Variants in OSBPL2 observed in about 807,000 individuals in gnomAD.
OSBPL2 encodes oxysterol binding protein like 2.
Under a neutral mutation model 58.4 loss-of-function variants are expected in OSBPL2, and 18 were observed. The ratio of observed to expected loss-of-function variants is 0.31; its 90% CI spans 0.21 to 0.46. The LOEUF (loss-of-function observed/expected upper bound fraction) is 0.46. Ranked by LOEUF, OSBPL2 falls within the 20% of genes least tolerant of loss-of-function variation. The pLI is 1.00. For missense variants in OSBPL2, 461 were observed against 616.5 expected (o/e 0.75, Z 2.67); for synonymous variants, 221 against 234.1 (o/e 0.94, Z 0.51).
At chr20:62,280,534 C>G (rs954401413) in intron 7 of OSBPL2, among the ~76,000 whole-genome samples, 4 of 152,254 alleles carry the variant, frequency 2.6e-5, no homozygotes, top group African/African-American at 9.6e-5. Context: ...TGTGGCTCCC[C>G]CACGTAGCAC....
At chr20:62,244,021 G>A (rs923698931) in intron 1 of OSBPL2, among the ~76,000 whole-genome samples, 3 of 151,988 alleles carry the variant, frequency 2.0e-5, no homozygotes, top group Non-Finnish European at 4.4e-5. Flanking sequence ...CCCCATTAGG[G>A]CTGCACAGGA....
At chr20:62,261,345 G>A (rs1183378378) in intron 3 of OSBPL2, among the ~76,000 whole-genome samples, 2 of 148,720 alleles carry the variant, frequency 1.3e-5, no homozygotes, top group Non-Finnish European at 3.0e-5. Context: ...AAGGCACAAA[G>A]GCAGGACAAG....
intron 12 of OSBPL2, among the ~76,000 whole-genome samples, chr20:62,289,883 C>T (rs148126129): frequency 1.2e-3 from 180 of 152,172 alleles, no homozygotes; most frequent in African/African-American, 4.2e-3. Flanking sequence ...CCAGCCAGGG[C>T]GACAGAGTGA....
chr20:62,261,162 A>C (rs1409344327), intron 3 of OSBPL2, among the ~76,000 whole-genome samples: 1 of 151,884 alleles, frequency 6.6e-6, no homozygotes, highest in Non-Finnish European at 1.5e-5. Context: ...CTAAAATACA[A>C]AAAATTAGCT....
intron 6 of OSBPL2, chr20:62,278,935 A>T: frequency 3.9e-6 from 2 of 512,068 alleles, no homozygotes; most frequent in Non-Finnish European, 3.5e-6. Flanking sequence ...TCTGTTGCCA[A>T]CGTTAGGCCA....
chr20:62,272,094 A>T (rs1982100678), intron 4 of OSBPL2, 31 bp from the exon 5 acceptor site: 1 of 1,612,324 alleles, frequency 6.2e-7, no homozygotes, highest in Non-Finnish European at 8.5e-7. Context: ...GGAAGGCAGC[A>T]GTAACCAGCG....
chr20:62,260,714 G>A (rs564661008), intron 3 of OSBPL2, among the ~76,000 whole-genome samples: 3 of 152,250 alleles, frequency 2.0e-5, no homozygotes, highest in South Asian at 2.1e-4. Flanking sequence ...TTGGCTGGTC[G>A]CGGTGGCTCA....
chr20:62,292,881 C>CG (rs1168579025), intron 13 of OSBPL2, among the ~76,000 whole-genome samples: 2 of 128,296 alleles, frequency 1.6e-5, no homozygotes, highest in Admixed American at 1.7e-4. Context: ...AACCTTTCCT[C>CG]ATTTTTTTTT....
intron 12 of OSBPL2, among the ~76,000 whole-genome samples, chr20:62,290,622 A>C (rs1983442161): frequency 6.7e-6 from 1 of 149,240 alleles, no homozygotes; most frequent in South Asian, 2.1e-4. Flanking sequence ...GGGTTTCACC[A>C]TGTTAGCCAG....
chr20:62,276,680 C>T (rs1190148963), intron 6 of OSBPL2, among the ~76,000 whole-genome samples: 2 of 152,152 alleles, frequency 1.3e-5, no homozygotes, highest in Non-Finnish European at 1.5e-5. Context: ...AGGCAACTGT[C>T]GGTCTTGGCA....
chr20:62,254,376 A>T (rs12481249), intron 1 of OSBPL2, among the ~76,000 whole-genome samples: 61,609 of 152,180 alleles, frequency 0.4, 13,438 homozygotes, highest in East Asian at 0.52. Flanking sequence ...TGAAGGGGGA[A>T]GCACATCGCT....
intron 4 of OSBPL2, among the ~76,000 whole-genome samples, chr20:62,264,065 C>A (rs1233242138): frequency 5.1e-4 from 50 of 97,928 alleles, no homozygotes; most frequent in African/African-American, 1.5e-3. Flanking sequence ...GATTCCATCT[C>A]AAAAAAAAAA....
rs1983738289 is a variant in OSBPL2 at position 62,294,567 on chromosome 20, C to T, written c.*680C>T. The T allele has an allele frequency of 1.3e-5, 2 of 152,326 alleles. No individual in the cohort carries two copies. The highest frequency in any genetic ancestry group is 1.3e-4 in the Admixed American group (2 of 15,254). 9.4% of individuals were successfully genotyped at this position (152,326 alleles called of 1,614,324 possible). A position where few individuals can be genotyped will look rare whatever the true frequency, so the allele number is the denominator to read the frequency against. Reference sequence around the variant, plus strand: ...TTTTATACTGTCCAAAATGAAGCATCCCCGTGACAAACCAGAGTGGGCAGA... The same window carrying T: ...TTTTATACTGTCCAAAATGAAGCATTCCCGTGACAAACCAGAGTGGGCAGA... On this transcript the variant is annotated 3_prime_UTR_variant, in exon 14 of 14. Transcript: ENST00000313733.
Position 62,286,592 on chromosome 20 carries a change from T to C in OSBPL2, c.1006T>C (p.Ser336Pro), listed in dbSNP as rs1282196549. The C allele has an allele frequency of 2.5e-6, 4 of 1,613,112 alleles. No individual in the cohort carries two copies. The highest frequency in any genetic ancestry group is 3.4e-6 in the Non-Finnish European group (4 of 1,179,492). The change falls in exon 11 of 14, where the codon TCC (serine) becomes CCC (proline). Residue 336 changes from serine to proline, a missense_variant. This residue lies in a region of OSBPL2 where 319 missense variants were observed against 419.2 expected (regional missense o/e 0.76). Coordinates refer to ENST00000313733, the MANE Select transcript of OSBPL2 (RefSeq NM_144498.4). ...HLRKAKLDEDSGKADSDVADD... is the reference protein window; with the variant it reads ...HLRKAKLDEDPGKADSDVADD... ...GGGTTCTGTGTTTCAGGATGAAGACTCCGGGAAGGCTGACAGCGACGTGGC... is the reference window on the plus strand; with the variant it reads ...GGGTTCTGTGTTTCAGGATGAAGACCCCGGGAAGGCTGACAGCGACGTGGC...
intron 12 of OSBPL2, 45 bp downstream of exon 12, chr20:62,289,375 C>T (rs1267097595): frequency 1.9e-6 from 3 of 1,597,810 alleles, no homozygotes; most frequent in African/African-American, 2.7e-5. Flanking sequence ...CCAAGGACGC[C>T]CTGGCTAGGG....
At chr20:62,247,606 G>A (rs1041578997) in intron 1 of OSBPL2, among the ~76,000 whole-genome samples, 3 of 152,174 alleles carry the variant, frequency 2.0e-5, no homozygotes, top group Non-Finnish European at 4.4e-5. Context: ...GGAGGCAGGA[G>A]GAGGAGCATT....
intron 12 of OSBPL2, among the ~76,000 whole-genome samples, chr20:62,290,070 G>C (rs1292225678): frequency 6.6e-6 from 1 of 152,192 alleles, no homozygotes; most frequent in Non-Finnish European, 1.5e-5. Flanking sequence ...CGTGTGTGGC[G>C]TGTCCTGCAG....
chr20:62,286,609 C>G lies in OSBPL2; in HGVS notation c.1023C>G (p.Ser341Arg). ...KLDEDSGKAD[S>R]DVADDVPVAQ... Reference sequence around the variant, plus strand: ...ATGAAGACTCCGGGAAGGCTGACAGCGACGTGGCTGACGACGTGCCTGTGG... The same window carrying G: ...ATGAAGACTCCGGGAAGGCTGACAGGGACGTGGCTGACGACGTGCCTGTGG... The change falls in exon 11 of 14, where the codon AGC becomes AGG. Residue 341 changes from serine to arginine, a missense_variant. Around this residue, in one of 5 missense-constraint regions of OSBPL2, gnomAD observed 319 missense variants for 419.2 expected, o/e 0.76. Coordinates refer to ENST00000313733, the MANE Select transcript of OSBPL2 (RefSeq NM_144498.4). 2.5e-6 allele frequency: 4 copies of G among 1,613,490 alleles called. No individual in the cohort carries two copies. Among genetic ancestry groups the G allele is most frequent in the Non-Finnish European group, 3.4e-6 (4 of 1,179,682 alleles).
intron 6 of OSBPL2, among the ~76,000 whole-genome samples, chr20:62,277,198 C>T (rs1413622963): frequency 5.3e-5 from 8 of 152,064 alleles, no homozygotes; most frequent in Non-Finnish European, 1.0e-4. Flanking sequence ...TGCAGTGAGC[C>T]GAGATCACGC....
Sources: gnomAD v4.1 joint callset for allele counts (sites outside exome capture counted in the v4.1 genomes callset) on GRCh38, gnomAD v4.1.1 for gene constraint, gnomAD v4.1.1 regional missense constraint, MANE v1.5 for transcripts, NCBI Gene and HGNC (gene_info 2026-07-23, HGNC 2026-07-21) for gene names.